Variants in SLC22A4 observed in about 807,000 individuals in gnomAD.
The protein encoded by SLC22A4 is solute carrier family 22 member 4.
In SLC22A4, 39 loss-of-function variants were observed where a neutral mutation model predicts 56.6. That is an observed-to-expected ratio of 0.69 (90% CI 0.53 to 0.90). The LOEUF is 0.90. SLC22A4 is among the 40% of genes least tolerant of loss of function. The pLI is 0.00. For missense variants in SLC22A4, 594 were observed against 696.5 expected (o/e 0.85, Z 1.66); for synonymous variants, 241 against 281.4 (o/e 0.86, Z 1.44).
chr5:132,325,822 C>T (rs1190152325), intron 4 of SLC22A4, among the ~76,000 whole-genome samples: 1 of 152,132 alleles, frequency 6.6e-6, no homozygotes, highest in Non-Finnish European at 1.5e-5. Flanking sequence ...AATTGAGGAC[C>T]AGCTAAAACA....
rs780840704 is a variant in SLC22A4, at chr5:132,294,653, G to A, written c.37G>A (p.Glu13Lys). The A allele has an allele frequency of 1.2e-6, 2 of 1,614,188 alleles. No homozygotes were observed. The highest frequency in any genetic ancestry group is 3.3e-5 in the Admixed American group (2 of 60,036). The part of the protein sequence containing the change: ...DYDEVIAFLG[E>K]WGPFQRLIFF... Reference sequence around the variant, plus strand: ...CGACGAGGTGATCGCCTTCCTGGGCGAGTGGGGGCCCTTCCAGCGCCTCAT... The same window carrying A: ...CGACGAGGTGATCGCCTTCCTGGGCAAGTGGGGGCCCTTCCAGCGCCTCAT... The change falls in exon 1 of 10, where the codon GAG becomes AAG. Residue 13 changes from glutamate (E) to lysine (K), a missense_variant. Physicochemically the swap from Glu to Lys is moderately conservative, Grantham distance 56 (BLOSUM62 1). Transcript: ENST00000200652. This position sits in a 1 kb window ranked among gnomAD's most constrained non-coding sequence, Gnocchi z 5.6.
intron 1 of SLC22A4, among the ~76,000 whole-genome samples, chr5:132,309,504 G>A (rs559664936): frequency 5.6e-4 from 86 of 152,336 alleles, no homozygotes; most frequent in South Asian, 6.2e-4. Flanking sequence ...GAAAGCCATC[G>A]ATGCAGAGCC....
intron 4 of SLC22A4, among the ~76,000 whole-genome samples, chr5:132,327,076 G>A (rs1324416197): frequency 3.3e-5 from 5 of 152,110 alleles, no homozygotes; most frequent in Non-Finnish European, 4.4e-5. Context: ...ACTGATGATC[G>A]GTCTTATAAT....
At chr5:132,298,963 C>T (rs1749842270) in intron 1 of SLC22A4, among the ~76,000 whole-genome samples, 1 of 152,240 alleles carries the variant, frequency 6.6e-6, no homozygotes, top group African/African-American at 2.4e-5. Context: ...GAACACAAGT[C>T]CAAACCCATA....
In SLC22A4 at chr5:132,344,078, T is replaced by C. The variant is rs963546753; in HGVS notation, c.*243T>C. 2.1e-6 allele frequency: 1 copy of C among 474,738 alleles called. No individual in the cohort carries two copies. The highest frequency in any genetic ancestry group is 3.7e-6 in the Non-Finnish European group (1 of 267,750). 29.4% of individuals were successfully genotyped at this position (474,738 alleles called of 1,614,324 possible). ...AATTCAATGAAATGGATTGGTAAGA[T>C]GTCTTGAAAACATGTTAGTCAAGGA... On this transcript the variant is annotated 3_prime_UTR_variant, in exon 10 of 10. Coordinates refer to ENST00000200652, the MANE Select transcript of SLC22A4 (RefSeq NM_003059.3).
At chr5:132,319,301 C>CAAAAAAAA (rs55756450) in intron 3 of SLC22A4, among the ~76,000 whole-genome samples, 2 of 85,512 alleles carry the variant, frequency 2.3e-5, no homozygotes, top group African/African-American at 3.8e-5. Context: ...AAGTCTGTCT[C>CAAAAAAAA]AAAAAAAAAA....
chr5:132,328,346 A>T (rs568108704), intron 5 of SLC22A4, among the ~76,000 whole-genome samples: 1 of 152,332 alleles, frequency 6.6e-6, no homozygotes, highest in African/African-American at 2.4e-5. Flanking sequence ...CATGTAGTAC[A>T]GAAAGCAGAA....
intron 8 of SLC22A4, among the ~76,000 whole-genome samples, chr5:132,337,489 CTGGT>C (rs989392457): frequency 6.6e-6 from 1 of 151,372 alleles, no homozygotes; most frequent in Admixed American, 6.6e-5. Flanking sequence ...TTTGCCCAGG[CTGGT>C]TTCGAACTCC....
chr5:132,330,457 G>A (rs1750822472), intron 5 of SLC22A4, among the ~76,000 whole-genome samples: 1 of 152,222 alleles, frequency 6.6e-6, no homozygotes, highest in Admixed American at 6.5e-5. Context: ...CGGGCGCAGT[G>A]GCTCACACCT....
chr5:132,302,131 T>C (rs537758859), intron 1 of SLC22A4, among the ~76,000 whole-genome samples: 2 of 152,332 alleles, frequency 1.3e-5, no homozygotes, highest in African/African-American at 2.4e-5. Context: ...CCCAAACTGT[T>C]TGCCTCTCTG....
intron 9 of SLC22A4, among the ~76,000 whole-genome samples, chr5:132,341,446 A>T (rs1459365140): frequency 1.3e-5 from 2 of 152,184 alleles, no homozygotes; most frequent in African/African-American, 2.4e-5. Flanking sequence ...AATAAAGCAT[A>T]TTGTTGAGCA....
chr5:132,327,353 G>A lies in SLC22A4; in HGVS notation c.901G>A (p.Ala301Thr), dbSNP rs1750716975. ...GGCTGAAGATATCATCCAAAAAGCT[G>A]CAAAAATGAACAACATAGCTGTACC... The part of the protein sequence containing the change: ...REAEDIIQKA[A>T]KMNNIAVPAV... The change falls in exon 5 of 10, where the codon GCA becomes ACA. Residue 301 changes from alanine to threonine, a missense_variant. By Grantham distance (58) the Ala-to-Thr change is moderately conservative. Coordinates refer to ENST00000200652, the MANE Select transcript of SLC22A4 (RefSeq NM_003059.3). 1.2e-6 allele frequency: 2 copies of A among 1,612,028 alleles called. No homozygotes were observed. Among genetic ancestry groups the A allele is most frequent in the Non-Finnish European group, 1.7e-6 (2 of 1,178,214 alleles).
At chr5:132,295,529 G>C (rs1207119765) in intron 1 of SLC22A4, 2 of 344,620 alleles carry the variant, frequency 5.8e-6, no homozygotes, top group East Asian at 7.7e-5. Context: ...TAAGACAGCA[G>C]ATGGCCTCCT....
intron 7 of SLC22A4, 58 bp downstream of exon 7, chr5:132,334,990 T>C: frequency 1.7e-6 from 2 of 1,160,544 alleles, no homozygotes; most frequent in Non-Finnish European, 2.6e-6. Context: ...TTGACTAGGC[T>C]GCTTCTGAGT....
At chr5:132,306,387 ATATATAT>A (rs1561535722) in intron 1 of SLC22A4, among the ~76,000 whole-genome samples, 26 of 21,158 alleles carry the variant, frequency 1.2e-3, no homozygotes, top group African/African-American at 5.7e-3. Flanking sequence ...ACCGTGAAAT[ATATATAT>A]ATATATATAT....
chr5:132,321,200 G>C (rs1050226095), intron 3 of SLC22A4, among the ~76,000 whole-genome samples: 2 of 152,218 alleles, frequency 1.3e-5, no homozygotes, highest in Non-Finnish European at 2.9e-5. Flanking sequence ...TGCAGGGGCA[G>C]CAGAACAGCG....
chr5:132,303,881 A>G (rs1749960489), intron 1 of SLC22A4, among the ~76,000 whole-genome samples: 1 of 152,204 alleles, frequency 6.6e-6, no homozygotes, highest in African/African-American at 2.4e-5. Context: ...TATTTTGCCC[A>G]GCGGGGAGAG....
chr5:132,306,749 A>C (rs1750050914), intron 1 of SLC22A4, among the ~76,000 whole-genome samples: 1 of 151,992 alleles, frequency 6.6e-6, no homozygotes, highest in African/African-American at 2.4e-5. Flanking sequence ...CCCAGCCCAA[A>C]CCATGGCATA....
At chr5:132,331,873 A>T (rs752538929) in intron 6 of SLC22A4, 23 bp downstream of exon 6, 1 of 1,423,594 alleles carries the variant, frequency 7.0e-7, no homozygotes, top group South Asian at 1.1e-5. Context: ...TGACCTGGAA[A>T]TGCAGATATC....
Sources: gnomAD v4.1 joint callset for allele counts (sites outside exome capture counted in the v4.1 genomes callset) on GRCh38, gnomAD v4.1.1 for gene constraint, Gnocchi (gnomAD v3.1) non-coding constraint, MANE v1.5 for transcripts, NCBI Gene and HGNC (gene_info 2026-07-23, HGNC 2026-07-21) for gene names.